VWA8: variants seen among roughly 807,000 people sequenced by gnomAD.
The protein encoded by VWA8 is von Willebrand factor A domain containing 8.
VWA8 carries 221 observed loss-of-function variants against 241.5 expected under a neutral mutation model. That is an observed-to-expected ratio of 0.91 (90% CI 0.82 to 1.02). VWA8 has a LOEUF of 1.02. Ranked by LOEUF, VWA8 falls within the 50% of genes least tolerant of loss-of-function variation. VWA8 has a pLI of 0.00. For synonymous variants in VWA8, 852 were observed against 827.1 expected, an observed-to-expected ratio of 1.03 and a Z score of -0.52; for missense variants, 2,322 against 2,328.7, an observed-to-expected ratio of 1.00 and a Z score of 0.06.
chr13:41,717,621 C>T (rs777527146), intron 26 of VWA8, among the ~76,000 whole-genome samples: 12 of 151,952 alleles, frequency 7.9e-5, no homozygotes, highest in Non-Finnish European at 1.6e-4. Context: ...CCTACTCTCT[C>T]TAAGTACAAG....
chr13:41,891,420 T>A lies in VWA8; in HGVS notation c.651A>T (p.Arg217=), dbSNP rs757770741. 6.2e-7 allele frequency: 1 copy of A among 1,614,128 alleles called. No individual in the cohort carries two copies. The highest frequency in any genetic ancestry group is 1.7e-5 in the Admixed American group (1 of 60,010). The change falls in exon 5 of 45, where the codon CGA becomes CGT. Residue 217 remains arginine, a splice_region_variant and synonymous_variant. Transcript: ENST00000379310. The part of the protein sequence containing the change: ...MSAERYDKLL[R]DHTKKELDSW... ...AAGCAACAGGATTTTCTTTTCTTACTCGGAGAAGTTTGTCGTAACGCTCAG... is the reference window on the plus strand; with the variant it reads ...AAGCAACAGGATTTTCTTTTCTTACACGGAGAAGTTTGTCGTAACGCTCAG...
intron 41 of VWA8, among the ~76,000 whole-genome samples, chr13:41,589,119 T>G (rs2044438394): frequency 6.6e-6 from 1 of 152,008 alleles, no homozygotes; most frequent in African/African-American, 2.4e-5. Context: ...CACCCCCAGC[T>G]CTCAGTGGCG....
rs1429447857 is a variant in VWA8 at position 41,851,967 on chromosome 13, C to A, written c.1425+13769G>T. On this transcript the variant is annotated intron_variant, in intron 12 of 44. Coordinates refer to ENST00000379310, the MANE Select transcript of VWA8 (RefSeq NM_015058.2). Reference sequence around the variant, plus strand: ...ACACCCAGAAGTGGGATTGCTGGATCATGTGGTAGTTCTGTTTTTAATTTT... The same window carrying A: ...ACACCCAGAAGTGGGATTGCTGGATAATGTGGTAGTTCTGTTTTTAATTTT... 3.9e-5 allele frequency among the ~76,000 whole-genome samples: 6 copies of A among 152,148 alleles called. No individual in the cohort carries two copies. In the East Asian group the frequency reaches 1.2e-3, roughly 29 times the overall value.
chr13:41,789,242 T>C (rs923310436), intron 17 of VWA8, among the ~76,000 whole-genome samples: 3 of 152,180 alleles, frequency 2.0e-5, no homozygotes, highest in African/African-American at 7.2e-5. Context: ...TCCTTTCCCA[T>C]TGCTCACTGA....
In VWA8 at chr13:41,881,801, G is replaced by A. The variant is rs575245205; in HGVS notation, c.1080+1586C>T. ...GAGCTCCTCACTTCCCAGTAGGGGC[G>A]GCCGGGCAGAGGTGCCCCTCACCTC... On this transcript the variant is annotated intron_variant, in intron 9 of 44. Transcript: ENST00000379310. Among the ~76,000 whole-genome samples, 95 of 146,362 alleles carry A rather than the reference G, an allele frequency of 6.5e-4. 2 individuals are homozygous for A. Among genetic ancestry groups the A allele is most frequent in the East Asian group, 6.3e-4 (3 of 4,752 alleles).
intron 2 of VWA8, among the ~76,000 whole-genome samples, chr13:41,927,541 C>G (rs1228920260): frequency 7.3e-6 from 1 of 137,572 alleles, no homozygotes; most frequent in Non-Finnish European, 1.6e-5. Flanking sequence ...TGTCTCCTCT[C>G]AAAAAAAAAA....
At chr13:41,895,831 C>CTTTTTTTTTTT (rs59080554) in intron 4 of VWA8, among the ~76,000 whole-genome samples, 269 of 129,428 alleles carry the variant, frequency 2.1e-3, no homozygotes, top group Middle Eastern at 4.1e-3. Context: ...TGCAAATTTT[C>CTTTTTTTTTTT]TTTTTTTTTT....
chr13:41,912,517 C>T (rs552302286), intron 2 of VWA8, among the ~76,000 whole-genome samples: 4 of 152,116 alleles, frequency 2.6e-5, no homozygotes, highest in South Asian at 2.1e-4. Context: ...GAAATAAAAG[C>T]GATCTTCAAG....
chr13:41,686,738 G>GT (rs1322960537), intron 34 of VWA8, among the ~76,000 whole-genome samples: 3 of 152,004 alleles, frequency 2.0e-5, no homozygotes, highest in Non-Finnish European at 2.9e-5. Context: ...CAAGTCCACT[G>GT]TATGTGACCC....
intron 12 of VWA8, among the ~76,000 whole-genome samples, chr13:41,855,719 C>A (rs1211985587): frequency 6.6e-6 from 1 of 151,886 alleles, no homozygotes; most frequent in Non-Finnish European, 1.5e-5. Context: ...ATGGAAATGC[C>A]CTATATCTCA....
chr13:41,581,869 T>G (rs779968775), intron 42 of VWA8, among the ~76,000 whole-genome samples: 13 of 152,072 alleles, frequency 8.5e-5, no homozygotes, highest in Non-Finnish European at 1.8e-4. Context: ...AAGATTACAG[T>G]GAAAACATTC....
chr13:41,888,903 T>A (rs568608655), intron 5 of VWA8, among the ~76,000 whole-genome samples: 1 of 152,316 alleles, frequency 6.6e-6, no homozygotes, highest in African/African-American at 2.4e-5. Context: ...CTATGTCATA[T>A]ACACTAGAAA....
intron 9 of VWA8, among the ~76,000 whole-genome samples, chr13:41,874,937 G>C (rs1873825258): frequency 6.6e-6 from 1 of 151,974 alleles, no homozygotes; most frequent in African/African-American, 2.4e-5. Flanking sequence ...CCTCCACTCA[G>C]AACAGAGCTT....
At chr13:41,926,171 G>T in intron 2 of VWA8, 1 of 623,074 alleles carries the variant, frequency 1.6e-6, no homozygotes, top group Non-Finnish European at 2.9e-6. Flanking sequence ...AAACCAAGAA[G>T]GGTGAGCTGA....
chr13:41,726,264 A>G (rs1446800613), intron 24 of VWA8, among the ~76,000 whole-genome samples: 1 of 152,114 alleles, frequency 6.6e-6, no homozygotes, highest in African/African-American at 2.4e-5. Context: ...CATTCTTTCT[A>G]CTATAAACAA....
chr13:41,869,549 T>C (rs147889452), intron 9 of VWA8, among the ~76,000 whole-genome samples: 20 of 144,570 alleles, frequency 1.4e-4, no homozygotes, highest in African/African-American at 5.2e-4. Flanking sequence ...CGAGAATCCC[T>C]TGAACCCAGA....
chr13:41,805,858 C>T (rs1265985503), intron 17 of VWA8, among the ~76,000 whole-genome samples: 1 of 151,868 alleles, frequency 6.6e-6, no homozygotes, highest in Non-Finnish European at 1.5e-5. Context: ...ACTTAATCTG[C>T]ACTACAGACC....
At chr13:41,692,836 T>C in intron 30 of VWA8, 26 bp downstream of exon 30, 1 of 1,570,756 alleles carries the variant, frequency 6.4e-7, no homozygotes, top group East Asian at 2.2e-5. Context: ...CTTGGCAATT[T>C]GTGGGACAAA....
At chr13:41,863,455 T>TATATTCACACACA (rs1566485517) in intron 12 of VWA8, among the ~76,000 whole-genome samples, 1 of 87,154 alleles carries the variant, frequency 1.1e-5, no homozygotes, top group African/African-American at 4.3e-5. Flanking sequence ...ATATATATAT[T>TATATTCACACACA]CACACACACA....
Sources: allele counts gnomAD v4.1 joint callset (sites outside exome capture counted in the v4.1 genomes callset), GRCh38; gene constraint gnomAD v4.1.1; transcripts MANE v1.5; gene names NCBI Gene and HGNC (gene_info 2026-07-23, HGNC 2026-07-21).